CCDC178: variants seen among roughly 807,000 people sequenced by gnomAD.
CCDC178 encodes coiled-coil domain-containing protein 178.
CCDC178 carries 126 observed loss-of-function variants against 117.4 expected under a neutral mutation model. That is an observed-to-expected ratio of 1.07 (90% CI 0.93 to 1.24). The LOEUF (loss-of-function observed/expected upper bound fraction) is 1.24. Among genes scored for constraint, CCDC178 ranks in the 50% most tolerant of loss-of-function variants. The pLI, the probability that CCDC178 is intolerant of heterozygous loss-of-function variation, is 0.00. For missense variants in CCDC178, 1,030 were observed against 986.9 expected (o/e 1.04, Z -0.59); for synonymous variants, 283 against 313.4 (o/e 0.90, Z 1.02).
intron 21 of CCDC178, among the ~76,000 whole-genome samples, chr18:33,021,322 T>C (rs559097378): frequency 2.6e-5 from 4 of 152,166 alleles, no homozygotes; most frequent in African/African-American, 7.2e-5. Flanking sequence ...TTTCTACCAG[T>C]TTTTATTTTC....
At chr18:33,170,183 T>C (rs2058582302) in intron 20 of CCDC178, among the ~76,000 whole-genome samples, 1 of 152,098 alleles carries the variant, frequency 6.6e-6, no homozygotes, top group Admixed American at 6.6e-5. Flanking sequence ...TCTTGTAATC[T>C]AAGCAAGAAG....
intron 20 of CCDC178, among the ~76,000 whole-genome samples, chr18:33,206,633 T>C (rs2059047859): frequency 1.3e-5 from 2 of 151,984 alleles, no homozygotes; most frequent in South Asian, 4.1e-4. Flanking sequence ...CAACATTGAC[T>C]CAAAAGGAAT....
chr18:33,225,256 G>A (rs949405342), intron 16 of CCDC178, among the ~76,000 whole-genome samples: 8 of 151,766 alleles, frequency 5.3e-5, no homozygotes, highest in East Asian at 1.9e-4. Flanking sequence ...TCCACCTCCC[G>A]GGTATAAGCG....
At chr18:33,087,739 G>A (rs1357133961) in intron 21 of CCDC178, among the ~76,000 whole-genome samples, 1 of 152,096 alleles carries the variant, frequency 6.6e-6, no homozygotes, top group Non-Finnish European at 1.5e-5. Context: ...CATTAAACAA[G>A]CAGACAGAAT....
At chr18:33,394,894 A>G in intron 4 of CCDC178, among the ~76,000 whole-genome samples, 1 of 142,376 alleles carries the variant, frequency 7.0e-6, no homozygotes, top group Non-Finnish European at 1.5e-5. Context: ...TAGGTTTATC[A>G]GATCTACTTT....
At position 33,203,278 on chromosome 18, in the gene CCDC178, A is replaced by G. The variant is rs1424199411; in HGVS notation, c.2238+8618T>C. ...ATAAATTAAAGATATTAGGTGCCAC[A>G]TATTTTGCAACTATTTTTCTTTTTC... On this transcript the variant is annotated intron_variant, in intron 20 of 22. Coordinates refer to ENST00000383096, the MANE Select transcript of CCDC178 (RefSeq NM_001105528.4). Among the ~76,000 whole-genome samples, 3 of 152,122 alleles carry G rather than the reference A, an allele frequency of 2.0e-5. No homozygotes were observed. The East Asian group carries it at 5.8e-4, about 29-fold the overall frequency.
chr18:33,299,786 CACAAAAA>C (rs1412097915), intron 11 of CCDC178, among the ~76,000 whole-genome samples: 4 of 116,948 alleles, frequency 3.4e-5, no homozygotes, highest in Admixed American at 8.4e-5. Flanking sequence ...AAAAAAAAAA[CACAAAAA>C]ACAAAAAACA....
At chr18:33,436,899 G>A (rs1278901014) in intron 2 of CCDC178, among the ~76,000 whole-genome samples, 1 of 152,198 alleles carries the variant, frequency 6.6e-6, no homozygotes, top group East Asian at 1.9e-4. Flanking sequence ...CAGGCTAAGA[G>A]CATCTGCGTG....
chr18:32,946,656 T>C (rs568413558), intron 22 of CCDC178, among the ~76,000 whole-genome samples: 3 of 152,016 alleles, frequency 2.0e-5, no homozygotes, highest in East Asian at 1.9e-4. Flanking sequence ...ATTTGCTGAA[T>C]TGAATTATAA....
At chr18:32,985,102 C>T (rs896995540) in intron 21 of CCDC178, among the ~76,000 whole-genome samples, 26 of 151,702 alleles carry the variant, frequency 1.7e-4, no homozygotes, top group African/African-American at 6.0e-4. Context: ...AAACATTATT[C>T]GAAAAAGATT....
chr18:33,354,237 A>G (rs968836233), intron 7 of CCDC178, among the ~76,000 whole-genome samples: 1 of 152,166 alleles, frequency 6.6e-6, no homozygotes, highest in Non-Finnish European at 1.5e-5. Flanking sequence ...GCATTTGACA[A>G]GTTAACTAAA....
At chr18:33,407,463 A>T (rs1243566171) in intron 3 of CCDC178, among the ~76,000 whole-genome samples, 2 of 152,114 alleles carry the variant, frequency 1.3e-5, no homozygotes, top group African/African-American at 2.4e-5. Flanking sequence ...AAGCAAAATA[A>T]CAACAAAAAC....
intron 6 of CCDC178, among the ~76,000 whole-genome samples, chr18:33,357,130 G>A (rs1368586535): frequency 6.6e-6 from 1 of 151,852 alleles, no homozygotes. Flanking sequence ...ACCTTTCCAG[G>A]CCTAACCAAT....
At chr18:33,088,659 A>G (rs1290873869) in intron 21 of CCDC178, among the ~76,000 whole-genome samples, 1 of 152,154 alleles carries the variant, frequency 6.6e-6, no homozygotes, top group Non-Finnish European at 1.5e-5. Flanking sequence ...GTGTTCTATG[A>G]GGATCAGAAG....
intron 15 of CCDC178, among the ~76,000 whole-genome samples, chr18:33,242,035 C>T (rs2059494284): frequency 6.6e-6 from 1 of 151,700 alleles, no homozygotes; most frequent in Admixed American, 6.6e-5. Flanking sequence ...AAGCTGTGTT[C>T]AAAGATAGCA....
Position 33,215,548 on chromosome 18 carries a change from ACTTT to A in CCDC178, c.2076_2078+1del, listed in dbSNP as rs1265029889. 7.5e-7 allele frequency: 1 copy of A among 1,334,794 alleles called. No homozygotes were observed. Among genetic ancestry groups the A allele is most frequent in the Non-Finnish European group, 1.0e-6 (1 of 994,778 alleles). 82.7% of individuals were successfully genotyped at this position (1,334,794 alleles called of 1,614,324 possible). ...ATATTTTGATAAAGTTTAAGTACTT[ACTTT>A]AATATTTCAAGTGTCTGATCAAAAC... On this transcript the variant is annotated splice_donor_variant and coding_sequence_variant, in exon 19 of 23. Coordinates refer to ENST00000383096, the MANE Select transcript of CCDC178 (RefSeq NM_001105528.4). LOFTEE classifies it high-confidence loss of function.
At chr18:33,285,692 T>C (rs2060090497) in intron 12 of CCDC178, among the ~76,000 whole-genome samples, 2 of 152,112 alleles carry the variant, frequency 1.3e-5, no homozygotes, top group Non-Finnish European at 2.9e-5. Flanking sequence ...ATCACCTCAA[T>C]AGGTCAAATG....
intron 12 of CCDC178, among the ~76,000 whole-genome samples, chr18:33,288,156 A>G (rs987885728): frequency 1.3e-5 from 2 of 152,048 alleles, no homozygotes; most frequent in Admixed American, 6.5e-5. Context: ...AGTTCTTTAC[A>G]GGCTCACAAG....
intron 20 of CCDC178, among the ~76,000 whole-genome samples, chr18:33,103,034 C>A (rs1238698607): frequency 6.6e-6 from 1 of 151,734 alleles, no homozygotes; most frequent in African/African-American, 2.4e-5. Context: ...ACTATAGAGT[C>A]TTAATTAATA....
Sources: allele counts gnomAD v4.1 joint callset (sites outside exome capture counted in the v4.1 genomes callset), GRCh38; gene constraint gnomAD v4.1.1; transcripts MANE v1.5; gene names NCBI Gene and HGNC (gene_info 2026-07-23, HGNC 2026-07-21).